ARHGAP8: variants seen among roughly 807,000 people sequenced by gnomAD.
The protein encoded by ARHGAP8 is rho GTPase-activating protein 8.
In ARHGAP8, 62 loss-of-function variants were observed where a neutral mutation model predicts 46.1. That is an observed-to-expected ratio of 1.34 (90% CI 1.10 to 1.66). The LOEUF is 1.66. Ranked by LOEUF, ARHGAP8 falls within the 40% of genes most tolerant of loss-of-function variation. ARHGAP8 has a pLI of 0.00. For synonymous variants in ARHGAP8, 375 were observed against 243.1 expected (o/e 1.54, Z -5.05); for missense variants, 923 against 568.4 (o/e 1.62, Z -6.34).
intron 1 of ARHGAP8, among the ~76,000 whole-genome samples, chr22:44,774,034 G>C (rs1401125813): frequency 6.6e-6 from 1 of 152,208 alleles, no homozygotes; most frequent in African/African-American, 2.4e-5. Context: ...AGGTGCTGTT[G>C]TTGTCTATAT....
intron 2 of ARHGAP8, among the ~76,000 whole-genome samples, chr22:44,790,698 A>G (rs767966417): frequency 0.051 from 7,191 of 142,242 alleles, 372 homozygotes; most frequent in African/African-American, 0.11. Context: ...AAAAAAAAAA[A>G]AGAGAAGGGG....
At chr22:44,770,728 G>T (rs1038261757) in intron 1 of ARHGAP8, among the ~76,000 whole-genome samples, 3 of 152,184 alleles carry the variant, frequency 2.0e-5, no homozygotes, top group Admixed American at 2.0e-4. Flanking sequence ...CTACAGTAGT[G>T]ATGTTATCTA....
At chr22:44,796,401 C>T (rs746674535) in intron 2 of ARHGAP8, among the ~76,000 whole-genome samples, 2 of 151,820 alleles carry the variant, frequency 1.3e-5, no homozygotes, top group Non-Finnish European at 2.9e-5. Context: ...GGCTGGCCCT[C>T]GTCCCCAGTT....
chr22:44,808,621 C>T (rs370301619), intron 4 of ARHGAP8, 183 bp downstream of exon 4: 15 of 1,171,016 alleles, frequency 1.3e-5, no homozygotes, highest in East Asian at 2.6e-5. Flanking sequence ...TCTGGAATCC[C>T]GGGCAGGGGT....
chr22:44,848,902 G>A (rs6007318), intron 9 of ARHGAP8, 30 bp from the exon 10 acceptor site: 1 of 1,613,062 alleles, frequency 6.2e-7, no homozygotes, highest in Non-Finnish European at 8.5e-7. Context: ...CCGGGGTGCA[G>A]ACCTCAGCAG....
intron 10 of ARHGAP8, among the ~76,000 whole-genome samples, chr22:44,859,222 GTTGAA>G (rs150284693): frequency 0.018 from 2,732 of 152,292 alleles, 34 homozygotes; most frequent in South Asian, 0.04. Context: ...CGCGTCTCAT[GTTGAA>G]TTGAAACTTT....
chr22:44,859,681 G>T (rs369866857), intron 10 of ARHGAP8, 50 bp from the exon 11 acceptor site: 6 of 1,596,798 alleles, frequency 3.8e-6, no homozygotes, highest in Non-Finnish European at 5.1e-6. Flanking sequence ...GGGATGCAGC[G>T]CTGCCCCTGG....
intron 1 of ARHGAP8, among the ~76,000 whole-genome samples, chr22:44,782,842 C>T (rs568535953): frequency 6.6e-6 from 1 of 152,300 alleles, no homozygotes; most frequent in Non-Finnish European, 1.5e-5. Context: ...TCCAGCTTTC[C>T]TGGGCTTCTC....
chr22:44,843,417 AAAAT>A (rs1394629467), intron 7 of ARHGAP8, among the ~76,000 whole-genome samples: 24 of 152,354 alleles, frequency 1.6e-4, no homozygotes, highest in African/African-American at 5.5e-4. Flanking sequence ...GTGTAAATAG[AAAAT>A]AAATAGATTT....
intron 2 of ARHGAP8, among the ~76,000 whole-genome samples, chr22:44,787,702 C>A (rs1026889381): frequency 2.6e-5 from 4 of 152,114 alleles, no homozygotes; most frequent in Non-Finnish European, 5.9e-5. Flanking sequence ...GTGAGTCCAA[C>A]CCTCACGTTG....
At chr22:44,758,939 C>A (rs1191791153) in intron 1 of ARHGAP8, among the ~76,000 whole-genome samples, 2 of 152,152 alleles carry the variant, frequency 1.3e-5, no homozygotes, top group African/African-American at 4.8e-5. Flanking sequence ...ACGGATTTAC[C>A]ATTTTTTTAG....
chr22:44,836,505 G>A (rs1346958557), intron 7 of ARHGAP8, among the ~76,000 whole-genome samples: 1 of 151,796 alleles, frequency 6.6e-6, no homozygotes, highest in Admixed American at 6.6e-5. Flanking sequence ...TGGGGGCACA[G>A]TGATGCAGTG....
chr22:44,842,316 C>T (rs1158921754), intron 7 of ARHGAP8, among the ~76,000 whole-genome samples: 1 of 152,158 alleles, frequency 6.6e-6, no homozygotes, highest in African/African-American at 2.4e-5. Context: ...GAGATTGCGC[C>T]ACTGCACTCC....
At chr22:44,859,142 T>G (rs2070340548) in intron 10 of ARHGAP8, among the ~76,000 whole-genome samples, 1 of 152,174 alleles carries the variant, frequency 6.6e-6, no homozygotes, top group Non-Finnish European at 1.5e-5. Flanking sequence ...GTGGTGCTGC[T>G]GGCTGATAAA....
chr22:44,837,807 A>C (rs1293604246), intron 7 of ARHGAP8, among the ~76,000 whole-genome samples: 1 of 152,050 alleles, frequency 6.6e-6, no homozygotes, highest in Non-Finnish European at 1.5e-5. Context: ...GCCTCAGAGT[A>C]GATGTGGGTG....
intron 1 of ARHGAP8, among the ~76,000 whole-genome samples, chr22:44,763,321 AC>A (rs1238242554): frequency 6.6e-6 from 1 of 151,766 alleles, no homozygotes; most frequent in Admixed American, 6.6e-5. Context: ...ACATGGTGAA[AC>A]CCCATCTCTA....
intron 7 of ARHGAP8, among the ~76,000 whole-genome samples, chr22:44,838,630 T>G (rs1354066193): frequency 6.6e-6 from 1 of 152,164 alleles, no homozygotes; most frequent in East Asian, 1.9e-4. Flanking sequence ...AAGGGGTCTT[T>G]CAGGAACTCG....
At chr22:44,834,748 A>G (rs138745334) in intron 7 of ARHGAP8, among the ~76,000 whole-genome samples, 26 of 152,176 alleles carry the variant, frequency 1.7e-4, no homozygotes, top group African/African-American at 5.8e-4. Context: ...TCTCCCTTCA[A>G]TTATGTCTGT....
intron 11 of ARHGAP8, 37 bp from the exon 12 acceptor site, chr22:44,862,238 T>C (rs747373307): frequency 1.9e-6 from 3 of 1,552,068 alleles, no homozygotes; most frequent in Non-Finnish European, 2.6e-6. Context: ...TGCCCCTTGG[T>C]GTTCACTCCC....
Sources: allele counts gnomAD v4.1 joint callset (sites outside exome capture counted in the v4.1 genomes callset), GRCh38; gene constraint gnomAD v4.1.1; transcripts MANE v1.5; gene names NCBI Gene and HGNC (gene_info 2026-07-23, HGNC 2026-07-21).